Variants in RABEP1 observed in about 807,000 individuals in gnomAD.
RABEP1 encodes rabaptin, RAB GTPase binding effector protein 1.
A neutral mutation model predicts 123.4 loss-of-function variants in RABEP1; 51 were observed. The ratio of observed to expected loss-of-function variants is 0.41; its 90% CI spans 0.33 to 0.52. The LOEUF is 0.52. RABEP1 is among the 20% of genes least tolerant of loss of function. The pLI, the probability that RABEP1 is intolerant of heterozygous loss-of-function variation, is 0.16. For synonymous variants in RABEP1, 347 were observed against 355.2 expected (o/e 0.98, Z 0.26); for missense variants, 888 against 996.3 (o/e 0.89, Z 1.46).
At chr17:5,303,871 A>G (rs2075156936) in intron 1 of RABEP1, among the ~76,000 whole-genome samples, 1 of 151,976 alleles carries the variant, frequency 6.6e-6, no homozygotes, top group South Asian at 2.1e-4. Flanking sequence ...CATCTCTACT[A>G]AAAGTACAAA....
rs147426834 is a variant in RABEP1 at position 5,293,069 on chromosome 17, C to T, written c.34+10549C>T. On this transcript the variant is annotated intron_variant, in intron 1 of 17. Coordinates refer to ENST00000537505, the MANE Select transcript of RABEP1 (RefSeq NM_004703.6). Reference sequence around the variant, plus strand: ...GTTTGGAAGACTGAGGCAGGTGGATCCCTTGAGGTCAGGAGTTCGAGACCA... The same window carrying T: ...GTTTGGAAGACTGAGGCAGGTGGATTCCTTGAGGTCAGGAGTTCGAGACCA... Among the ~76,000 whole-genome samples the T allele has an allele frequency of 2.3e-3, 346 of 152,130 alleles. 1 individual carries two copies. Among genetic ancestry groups the T allele is most frequent in the African/African-American group, 8.0e-3 (330 of 41,482 alleles).
At chr17:5,323,729 TATATATCTAGGA>T (rs1905636023) in intron 2 of RABEP1, among the ~76,000 whole-genome samples, 1 of 135,560 alleles carries the variant, frequency 7.4e-6, no homozygotes. Context: ...TAGGAATATA[TATATATCTAGGA>T]ATATATATAT....
rs956771930 is a variant in RABEP1 at position 5,365,176 on chromosome 17, A to G, written c.1723A>G (p.Met575Val). ...RQANDQLEKTMKDKQELEDFI... is the reference protein window; with the variant it reads ...RQANDQLEKTVKDKQELEDFI... ...AGCTAATGACCAGTTAGAGAAGACA[A>G]TGAAAGATAAGCAGGAGCTGGAAGA... The change falls in exon 11 of 18, where the codon ATG becomes GTG. Residue 575 changes from methionine (M) to valine (V), a missense_variant. Transcript: ENST00000537505. The G allele has an allele frequency of 7.4e-6, 12 of 1,611,858 alleles. No homozygotes were observed. Among genetic ancestry groups the G allele is most frequent in the African/African-American group, 2.7e-5 (2 of 74,948 alleles).
intron 9 of RABEP1, chr17:5,362,208 TTCGATATTTGCCTAATGC>T (rs1909611312): frequency 6.3e-6 from 1 of 159,430 alleles, no homozygotes; most frequent in Non-Finnish European, 1.4e-5. Flanking sequence ...AGATAAACAC[TTCGATATTTGCCTAATGC>T]TTTATAGATT....
chr17:5,337,930 A>T, intron 4 of RABEP1, 89 bp from the exon 5 acceptor site: 1 of 1,392,656 alleles, frequency 7.2e-7, no homozygotes. Flanking sequence ...GTTACTTGTT[A>T]TAATAATTTT....
At chr17:5,319,730 A>T (rs2075335198) in intron 2 of RABEP1, among the ~76,000 whole-genome samples, 2 of 152,152 alleles carry the variant, frequency 1.3e-5, no homozygotes, top group Admixed American at 1.3e-4. Flanking sequence ...GAACTGATAA[A>T]TAGATTTTCT....
intron 12 of RABEP1, among the ~76,000 whole-genome samples, chr17:5,372,596 ACT>A (rs1361664094): frequency 1.3e-5 from 2 of 152,162 alleles, no homozygotes; most frequent in African/African-American, 2.4e-5. Flanking sequence ...TGAAGACACT[ACT>A]CTGTTTCTCC....
chr17:5,286,969 A>G (rs1184773939), intron 1 of RABEP1, among the ~76,000 whole-genome samples: 1 of 152,192 alleles, frequency 6.6e-6, no homozygotes, highest in Non-Finnish European at 1.5e-5. Flanking sequence ...AGCCTTGAGG[A>G]TATCTGGTGG....
intron 15 of RABEP1, among the ~76,000 whole-genome samples, chr17:5,379,247 C>T (rs537526906): frequency 1.3e-5 from 2 of 152,286 alleles, no homozygotes; most frequent in South Asian, 4.1e-4. Context: ...CTTTTATTCC[C>T]AGTCTTTTCT....
chr17:5,340,364 A>G (rs1907484177), intron 5 of RABEP1, among the ~76,000 whole-genome samples: 1 of 152,192 alleles, frequency 6.6e-6, no homozygotes, highest in Non-Finnish European at 1.5e-5. Context: ...ATTATGAGGA[A>G]CATATAAATT....
rs1228935783 is a variant in RABEP1 at position 5,377,313 on chromosome 17, T to C, written c.2215+8T>C. The C allele has an allele frequency of 6.4e-7, 1 of 1,571,404 alleles. No homozygotes were observed. Among genetic ancestry groups the C allele is most frequent in the South Asian group, 1.2e-5 (1 of 83,166 alleles). On this transcript the variant is annotated splice_region_variant and intron_variant, in intron 14 of 17. Coordinates refer to ENST00000537505, the MANE Select transcript of RABEP1 (RefSeq NM_004703.6). ...ACTGCAAGGAGGAAATAGGTGAAGA[T>C]AAAAGTGATGTAGTTTAGAATTAGA... is the stretch of plus-strand genomic sequence containing the variant.
chr17:5,375,977 A>G (rs1030140462), intron 13 of RABEP1, among the ~76,000 whole-genome samples: 6 of 152,080 alleles, frequency 3.9e-5, no homozygotes, highest in East Asian at 1.9e-4. Flanking sequence ...GGTTCAAGCA[A>G]TTCTCCTGCC....
rs374566844 is a variant in RABEP1, at chr17:5,361,511, A to T, written c.1399A>T (p.Met467Leu). The change falls in exon 9 of 18, where the codon ATG becomes TTG. Residue 467 changes from methionine (M) to leucine (L), a missense_variant. Physicochemically the swap from Met to Leu is conservative, Grantham distance 15 (BLOSUM62 2). Transcript: ENST00000537505. ...GTCACTCCAGATGCCAAGTGGGTTT[A>T]TGTTAACCAAAGATCAGGAAAGAGC... ...LGSLQMPSGFMLTKDQERAIK... is the reference protein window; with the variant it reads ...LGSLQMPSGFLLTKDQERAIK... 47 of 1,614,092 alleles carry T rather than the reference A, an allele frequency of 2.9e-5. No homozygotes were observed. The highest frequency in any genetic ancestry group is 3.5e-5 in the Non-Finnish European group (41 of 1,180,042).
chr17:5,302,774 C>T (rs2075147396), intron 1 of RABEP1, among the ~76,000 whole-genome samples: 1 of 152,054 alleles, frequency 6.6e-6, no homozygotes, highest in Non-Finnish European at 1.5e-5. Flanking sequence ...GCAGTCCTCC[C>T]ACCTTGGCCT....
At chr17:5,361,030 G>T (rs1277635173) in intron 8 of RABEP1, 178 bp from the exon 9 acceptor site, 10 of 619,042 alleles carry the variant, frequency 1.6e-5, no homozygotes, top group South Asian at 1.4e-4. Flanking sequence ...GTATCCTGAG[G>T]GCCTGGTTTT....
intron 13 of RABEP1, among the ~76,000 whole-genome samples, chr17:5,374,779 C>G (rs1910850138): frequency 6.6e-6 from 1 of 152,188 alleles, no homozygotes; most frequent in Admixed American, 6.5e-5. Flanking sequence ...ACTGGGACAA[C>G]AGGCGCGTGC....
rs560835095 is a variant in RABEP1, at chr17:5,341,448, G to A, written c.648+3310G>A. On this transcript the variant is annotated intron_variant, in intron 5 of 17. Coordinates refer to ENST00000537505, the MANE Select transcript of RABEP1 (RefSeq NM_004703.6). ...AATTATTAAAGAAAGTGGATCTAGA[G>A]TAAAAAATCTTATTGTCTCTTGCCT... Among the ~76,000 whole-genome samples, 6 of 152,294 alleles carry A rather than the reference G, an allele frequency of 3.9e-5. No homozygotes were observed. In the South Asian group the frequency reaches 1.2e-3, roughly 32 times the overall value.
chr17:5,299,462 AT>A (rs999665807), intron 1 of RABEP1, among the ~76,000 whole-genome samples: 1 of 151,432 alleles, frequency 6.6e-6, no homozygotes, highest in African/African-American at 2.4e-5. Context: ...GCATCATTTA[AT>A]CTTTTATTGA....
intron 7 of RABEP1, 129 bp downstream of exon 7, chr17:5,350,758 T>A: frequency 2.0e-6 from 2 of 997,376 alleles, no homozygotes; most frequent in Non-Finnish European, 2.9e-6. Context: ...TATGTGCCAC[T>A]TTTAAAAACA....
Sources: allele counts gnomAD v4.1 joint callset (sites outside exome capture counted in the v4.1 genomes callset), GRCh38; gene constraint gnomAD v4.1.1; transcripts MANE v1.5; gene names NCBI Gene and HGNC (gene_info 2026-07-23, HGNC 2026-07-21).